REG4: variants seen among roughly 807,000 people sequenced by gnomAD.
REG4 encodes regenerating islet-derived protein 4.
A neutral mutation model predicts 22.3 loss-of-function variants in REG4; 16 were observed. The ratio of observed to expected loss-of-function variants is 0.72; its 90% CI spans 0.49 to 1.09. The LOEUF is 1.09. REG4 is among the 50% of genes least tolerant of loss of function. The pLI, the probability that REG4 is intolerant of heterozygous loss-of-function variation, is 0.00. For missense variants in REG4, 214 were observed against 193.9 expected (o/e 1.10, Z -0.61); for synonymous variants, 71 against 69.2 (o/e 1.03, Z -0.13).
At position 119,799,794 on chromosome 1, in the gene REG4, G is replaced by T. The variant is rs1654043734; in HGVS notation, c.234C>A (p.Thr78=). The change falls in exon 4 of 6, where the codon ACC becomes ACA. Residue 78 remains threonine (T), a synonymous_variant. Transcript: ENST00000256585. ...ASILSLKEAS[T]IAEYISGYQR... ...GATAGCCACTTATGTACTCTGCTAT[G>T]GTGCTGGCTTCCTTTAAACTCAGGA... 6.2e-7 allele frequency: 1 copy of T among 1,614,056 alleles called. No individual in the cohort carries two copies. The highest frequency in any genetic ancestry group is 1.3e-5 in the African/African-American group (1 of 74,938).
intron 1 of REG4, chr1:119,809,261 T>G (rs587745263): frequency 6.5e-6 from 1 of 153,148 alleles, no homozygotes; most frequent in African/African-American, 2.4e-5. Context: ...ATGTTAAAAT[T>G]AAACGTGAGC....
At chr1:119,797,916 A>C (rs1653979353) in intron 5 of REG4, among the ~76,000 whole-genome samples, 1 of 152,210 alleles carries the variant, frequency 6.6e-6, no homozygotes, top group Non-Finnish European at 1.5e-5. Flanking sequence ...AATGCTGAAA[A>C]GTCTAACTCA....
At chr1:119,808,522 A>G (rs1654394924) in intron 2 of REG4, among the ~76,000 whole-genome samples, 181 bp downstream of exon 2, 1 of 152,170 alleles carries the variant, frequency 6.6e-6, no homozygotes, top group South Asian at 2.1e-4. Flanking sequence ...TATGGAATTG[A>G]GTTTTGTTGG....
intron 5 of REG4, among the ~76,000 whole-genome samples, chr1:119,795,565 G>T (rs1434863589): frequency 2.0e-5 from 3 of 152,218 alleles, no homozygotes; most frequent in Non-Finnish European, 4.4e-5. Flanking sequence ...TCTTCCATGG[G>T]TGTCTGCAGC....
intron 5 of REG4, 107 bp downstream of exon 5, chr1:119,798,390 G>T: frequency 1.2e-6 from 1 of 812,656 alleles, no homozygotes; most frequent in Non-Finnish European, 2.1e-6. Flanking sequence ...AGTTGTTGGT[G>T]TGGAATGAGG....
At chr1:119,802,644 C>T (rs1654146834) in intron 3 of REG4, 3 of 1,363,892 alleles carry the variant, frequency 2.2e-6, no homozygotes, top group Admixed American at 7.0e-5. Context: ...GACTGCTTCA[C>T]CTTCTGTCAG....
In REG4 at chr1:119,794,637, A is replaced by C; in HGVS notation, c.458T>G (p.Leu153Arg). Residue 153 changes from leucine (L) to arginine (R), a missense_variant, in exon 6 of 6, where the codon CTG becomes CGG. Coordinates refer to ENST00000256585, the MANE Select transcript of REG4 (RefSeq NM_032044.4). ...SNECNKRQHF[L>R]CKYRP Reference sequence around the variant, plus strand: ...CTTGCTCTATGGTCGGTACTTGCACAGGAAGTGTTGGCGCTTGTTGCATTC... The same window carrying C: ...CTTGCTCTATGGTCGGTACTTGCACCGGAAGTGTTGGCGCTTGTTGCATTC... The C allele has an allele frequency of 6.2e-7, 1 of 1,614,200 alleles. No individual in the cohort carries two copies. Among genetic ancestry groups the C allele is most frequent in the Non-Finnish European group, 8.5e-7 (1 of 1,179,996 alleles).
intron 3 of REG4, chr1:119,801,050 T>C (rs774616986): frequency 6.6e-6 from 1 of 152,204 alleles, no homozygotes; most frequent in Non-Finnish European, 1.5e-5. Flanking sequence ...ATTTTTCTTG[T>C]GGGCAAATAA....
At chr1:119,805,548 A>G (rs6673229) in intron 2 of REG4, among the ~76,000 whole-genome samples, 2,580 of 152,132 alleles carry the variant, frequency 0.017, 60 homozygotes, top group African/African-American at 0.051. Flanking sequence ...CACGCAGAGG[A>G]CTTGGAAGAC....
At chr1:119,801,318 G>T (rs1294243164) in intron 3 of REG4, 1 of 152,128 alleles carries the variant, frequency 6.6e-6, no homozygotes, top group Non-Finnish European at 1.5e-5. Context: ...TCCAAGATTA[G>T]ATGTGATTAC....
At chr1:119,810,952 G>C (rs1654475598) in intron 1 of REG4, among the ~76,000 whole-genome samples, 1 of 152,162 alleles carries the variant, frequency 6.6e-6, no homozygotes, top group Admixed American at 6.5e-5. Context: ...TACTCAGGAG[G>C]CTGAGGCAGG....
At chr1:119,797,082 T>G (rs764190538) in intron 5 of REG4, among the ~76,000 whole-genome samples, 41 of 152,250 alleles carry the variant, frequency 2.7e-4, no homozygotes, top group Non-Finnish European at 5.3e-4. Flanking sequence ...TAACACTTAA[T>G]GCGTCAACTG....
intron 3 of REG4, chr1:119,802,681 T>C: frequency 7.1e-7 from 1 of 1,406,198 alleles, no homozygotes; most frequent in South Asian, 1.7e-5. Context: ...GCTCCAGGCA[T>C]GTCTACACAC....
chr1:119,798,232 G>GA (rs1023730658), intron 5 of REG4, among the ~76,000 whole-genome samples: 2 of 151,706 alleles, frequency 1.3e-5, no homozygotes, highest in African/African-American at 2.4e-5. Flanking sequence ...GTGTATTTCA[G>GA]AAAAAAAATG....
At chr1:119,801,883 G>C (rs1253688876) in intron 3 of REG4, 1 of 152,218 alleles carries the variant, frequency 6.6e-6, no homozygotes, top group African/African-American at 2.4e-5. Context: ...ATGTGGCATA[G>C]GCTTTATGCG....
chr1:119,805,121 A>G (rs943380912), intron 2 of REG4, among the ~76,000 whole-genome samples: 4 of 152,162 alleles, frequency 2.6e-5, no homozygotes, highest in African/African-American at 9.7e-5. Flanking sequence ...GAAATTCAAA[A>G]CTTAGCAACA....
At chr1:119,798,781 C>T (rs1340868429) in intron 4 of REG4, among the ~76,000 whole-genome samples, 179 bp from the exon 5 acceptor site, 1 of 152,224 alleles carries the variant, frequency 6.6e-6, no homozygotes, top group South Asian at 2.1e-4. Flanking sequence ...GAAAACATTA[C>T]CAATATTACT....
intron 3 of REG4, chr1:119,802,555 T>C: frequency 8.7e-7 from 1 of 1,145,222 alleles, no homozygotes; most frequent in Non-Finnish European, 1.1e-6. Context: ...TGGTTATCTC[T>C]CAGACAAAGC....
intron 2 of REG4, among the ~76,000 whole-genome samples, chr1:119,804,519 G>A (rs1337154441): frequency 1.3e-5 from 2 of 152,156 alleles, no homozygotes; most frequent in Non-Finnish European, 1.5e-5. Flanking sequence ...ACTACGGCAA[G>A]GCAGGAAATG....
Sources: allele counts gnomAD v4.1 joint callset (sites outside exome capture counted in the v4.1 genomes callset), GRCh38; gene constraint gnomAD v4.1.1; transcripts MANE v1.5; gene names NCBI Gene and HGNC (gene_info 2026-07-23, HGNC 2026-07-21).